Variants in CSMD1 observed in about 807,000 individuals in gnomAD.
CSMD1 encodes the protein CUB and sushi domain-containing protein 1.
In CSMD1, 213 loss-of-function variants were observed where a neutral mutation model predicts 417.5. The observed-to-expected ratio is 0.51, with a 90% CI of 0.46 to 0.57. The LOEUF (loss-of-function observed/expected upper bound fraction) is 0.57, where lower values mean the gene tolerates loss of function less well. CSMD1 is among the 20% of genes least tolerant of loss of function. The pLI, the probability that CSMD1 is intolerant of heterozygous loss-of-function variation, is 0.00. For synonymous variants in CSMD1, 2,862 were observed against 1,736.8 expected (o/e 1.65, Z -16.11); for missense variants, 6,923 against 4,529.7 (o/e 1.53, Z -15.17).
intron 47 of CSMD1, among the ~76,000 whole-genome samples, chr8:3,092,135 T>G (rs554869659): frequency 9.2e-5 from 14 of 152,160 alleles, no homozygotes; most frequent in Non-Finnish European, 1.3e-4. Flanking sequence ...ATTTATATAG[T>G]GAACATGTGT....
At chr8:4,261,777 TA>T (rs1456728807) in intron 3 of CSMD1, among the ~76,000 whole-genome samples, 1 of 152,092 alleles carries the variant, frequency 6.6e-6, no homozygotes, top group Admixed American at 6.6e-5. Flanking sequence ...ATGAATATGT[TA>T]ATTAGTTTGA....
intron 10 of CSMD1, among the ~76,000 whole-genome samples, chr8:3,546,570 C>T (rs966548043): frequency 6.6e-6 from 1 of 151,756 alleles, no homozygotes; most frequent in Non-Finnish European, 1.5e-5. Flanking sequence ...TGTCACCATA[C>T]ATTGTTCTCC....
At chr8:3,609,147 G>A (rs1160446600) in intron 8 of CSMD1, among the ~76,000 whole-genome samples, 2 of 152,188 alleles carry the variant, frequency 1.3e-5, no homozygotes, top group African/African-American at 4.8e-5. Flanking sequence ...ACTTTGTTAG[G>A]TTAGCGTTCT....
intron 1 of CSMD1, among the ~76,000 whole-genome samples, chr8:4,697,383 G>C (rs937301828): frequency 2.6e-5 from 4 of 152,010 alleles, no homozygotes; most frequent in South Asian, 2.1e-4. Flanking sequence ...TTGATTTTAA[G>C]TGGCTACTTT....
At chr8:4,576,500 T>A (rs1799142880) in intron 2 of CSMD1, among the ~76,000 whole-genome samples, 1 of 152,224 alleles carries the variant, frequency 6.6e-6, no homozygotes, top group Non-Finnish European at 1.5e-5. Context: ...CAGTTTCTAA[T>A]AAGTAACTCT....
At chr8:4,732,214 C>A (rs1809928115) in intron 1 of CSMD1, among the ~76,000 whole-genome samples, 1 of 152,130 alleles carries the variant, frequency 6.6e-6, no homozygotes, top group Non-Finnish European at 1.5e-5. Context: ...ATGTATCAGA[C>A]CCCATGGGTA....
intron 23 of CSMD1, among the ~76,000 whole-genome samples, chr8:3,330,676 T>C (rs1806834745): frequency 6.6e-6 from 1 of 152,056 alleles, no homozygotes; most frequent in Non-Finnish European, 1.5e-5. Context: ...GACCAAATAA[T>C]CTGTACAACA....
intron 1 of CSMD1, among the ~76,000 whole-genome samples, chr8:4,949,655 T>G (rs1031568748): frequency 2.6e-5 from 4 of 152,160 alleles, no homozygotes; most frequent in Non-Finnish European, 5.9e-5. Flanking sequence ...CACATGGCAA[T>G]AGTGCCAAGG....
intron 3 of CSMD1, among the ~76,000 whole-genome samples, chr8:4,139,032 T>C (rs76557391): frequency 0.3 from 44,967 of 151,934 alleles, 8,070 homozygotes; most frequent in Non-Finnish European, 0.39. Context: ...GCTGCATGTT[T>C]CAGCACCTGA....
At chr8:3,756,793 G>C (rs983079158) in intron 5 of CSMD1, among the ~76,000 whole-genome samples, 2 of 148,482 alleles carry the variant, frequency 1.3e-5, no homozygotes, top group African/African-American at 4.9e-5. Flanking sequence ...AAAAAACCAG[G>C]TGGAATTTTT....
intron 3 of CSMD1, among the ~76,000 whole-genome samples, chr8:4,150,943 C>T (rs530676899): frequency 1.8e-3 from 275 of 152,182 alleles, no homozygotes; most frequent in Admixed American, 4.6e-3. Flanking sequence ...CAGTCTGCAA[C>T]GTCCAAACTT....
chr8:2,971,620 T>C lies in CSMD1; in HGVS notation c.8923+1497A>G, dbSNP rs753343284. 1.1e-3 allele frequency among the ~76,000 whole-genome samples: 169 copies of C among 152,204 alleles called. 3 individuals carry two copies. Among genetic ancestry groups the C allele is most frequent in the Non-Finnish European group, 2.8e-4 (19 of 68,036 alleles). On this transcript the variant is annotated intron_variant, in intron 57 of 69. Transcript: ENST00000635120. ...ATCCCATAGGATTGCTTACCTGAAG[T>C]ACTATATGAAAGAGTAGAAAACACT...
intron 1 of CSMD1, among the ~76,000 whole-genome samples, chr8:4,648,581 T>G (rs1220906436): frequency 6.6e-6 from 1 of 152,004 alleles, no homozygotes; most frequent in Non-Finnish European, 1.5e-5. Context: ...GCACAAAAAA[T>G]GTGATTTTTT....
intron 10 of CSMD1, among the ~76,000 whole-genome samples, chr8:3,531,965 G>C (rs1197144070): frequency 6.6e-6 from 1 of 152,174 alleles, no homozygotes; most frequent in Non-Finnish European, 1.5e-5. Flanking sequence ...CAAAATAAAA[G>C]ACTGGAATGG....
intron 3 of CSMD1, among the ~76,000 whole-genome samples, chr8:4,372,843 G>A (rs1802478535): frequency 6.6e-6 from 1 of 152,146 alleles, no homozygotes; most frequent in African/African-American, 2.4e-5. Context: ...CCAATTTCCA[G>A]TGCAGAAGAC....
At chr8:4,487,092 A>G (rs556792883) in intron 2 of CSMD1, among the ~76,000 whole-genome samples, 185 of 152,160 alleles carry the variant, frequency 1.2e-3, no homozygotes, top group Non-Finnish European at 2.1e-3. Flanking sequence ...TCTTTTTGCC[A>G]TCTTAGCCTC....
intron 3 of CSMD1, among the ~76,000 whole-genome samples, chr8:4,206,387 C>A (rs1272555038): frequency 2.0e-5 from 3 of 152,020 alleles, no homozygotes; most frequent in African/African-American, 7.2e-5. Flanking sequence ...ATATTCCCCA[C>A]CCTGTCTCCA....
intron 6 of CSMD1, among the ~76,000 whole-genome samples, chr8:3,730,178 C>T (rs1470891580): frequency 3.3e-5 from 5 of 152,048 alleles, no homozygotes; most frequent in African/African-American, 7.2e-5. Context: ...CCCCCAAAAT[C>T]ATGTCTCCAA....
At chr8:3,789,935 G>A (rs1455760853) in intron 5 of CSMD1, among the ~76,000 whole-genome samples, 1 of 151,996 alleles carries the variant, frequency 6.6e-6, no homozygotes, top group Non-Finnish European at 1.5e-5. Context: ...GTTTCACCAT[G>A]TTAGCCAGGA....
Sources: allele counts gnomAD v4.1 joint callset (sites outside exome capture counted in the v4.1 genomes callset), GRCh38; gene constraint gnomAD v4.1.1; transcripts MANE v1.5; gene names NCBI Gene and HGNC (gene_info 2026-07-23, HGNC 2026-07-21).